ODAD3: variants seen among roughly 807,000 people sequenced by gnomAD.
ODAD3 encodes outer dynein arm docking complex subunit 3.
ODAD3 carries 57 observed loss-of-function variants against 70.9 expected under a neutral mutation model. That is an observed-to-expected ratio of 0.80 (90% CI 0.65 to 1.00). The LOEUF is 1.00. Among genes scored for constraint, ODAD3 ranks in the 50% least tolerant of loss-of-function variants. The pLI, the probability that ODAD3 is intolerant of heterozygous loss-of-function variation, is 0.00. For missense variants in ODAD3, 797 were observed against 763.9 expected (o/e 1.04, Z -0.51); for synonymous variants, 327 against 315.9 (o/e 1.04, Z -0.37).
In ODAD3 at chr19:11,421,749, C is replaced by T. The variant is rs1481555185; in HGVS notation, c.1518G>A (p.Lys506=). 1 of 1,613,442 alleles carries T rather than the reference C, an allele frequency of 6.2e-7. No individual in the cohort carries two copies. The highest frequency in any genetic ancestry group is 1.7e-5 in the Admixed American group (1 of 60,026). Residue 506 remains lysine, a synonymous_variant, in exon 11 of 13, where the codon AAG becomes AAA. Transcript: ENST00000356392. ...GGAGCTGCGCCTGCAGTTTCAGCAG[C>T]TTTTCCTCCACGAGGCCCAGCAGGT... ...VPNLLGLVEE[K]LLKLQAQLQG...
chr19:11,429,168 C>T (rs527333690), intron 3 of ODAD3, among the ~76,000 whole-genome samples: 48 of 152,050 alleles, frequency 3.2e-4, no homozygotes, highest in African/African-American at 1.1e-3. Flanking sequence ...CGTGAGCCAC[C>T]GCGCCCGGCC....
At chr19:11,432,704 T>C (rs1445386204) in intron 1 of ODAD3, among the ~76,000 whole-genome samples, 1 of 152,174 alleles carries the variant, frequency 6.6e-6, no homozygotes, top group East Asian at 1.9e-4. Context: ...TAGGTATCCA[T>C]GGCATACGCA....
chr19:11,428,181 C>T (rs1213822249), intron 3 of ODAD3, among the ~76,000 whole-genome samples: 1 of 152,146 alleles, frequency 6.6e-6, no homozygotes, highest in Non-Finnish European at 1.5e-5. Flanking sequence ...AGCCATCCTC[C>T]TTCCTCGGCC....
Position 11,423,911 on chromosome 19 carries a change from T to G in ODAD3, c.1082A>C (p.Lys361Thr). ...SMYQMEVIFG[K>T]VKDATGTDET... ...GTCAGTGCCAGTGGCGTCCTTGACC[T>G]TGCCAAAGATCACCTCCATCTGGTA... The change falls in exon 8 of 13, where the codon AAG (lysine) becomes ACG (threonine). Residue 361 changes from lysine to threonine, a missense_variant. Lys to Thr is a moderately conservative substitution (Grantham distance 78). Transcript: ENST00000356392. 6.2e-7 allele frequency: 1 copy of G among 1,613,064 alleles called. No homozygotes were observed.
intron 3 of ODAD3, among the ~76,000 whole-genome samples, chr19:11,428,834 G>A (rs1288440099): frequency 2.0e-5 from 3 of 151,838 alleles, no homozygotes; most frequent in Non-Finnish European, 4.4e-5. Context: ...CAAGGCATGA[G>A]CCACCATGCC....
chr19:11,427,163 C>T (rs1054613423), intron 3 of ODAD3, 123 bp from the exon 4 acceptor site: 2 of 1,079,818 alleles, frequency 1.9e-6, no homozygotes, highest in South Asian at 1.7e-5. Flanking sequence ...GTTTTCTACC[C>T]ACCTCCCTGG....
chr19:11,422,739 C>T lies in ODAD3; in HGVS notation c.1239G>A (p.Leu413=), dbSNP rs940789605. ...CCTCCCCCGAGTACTTGAGGTCTTC[C>T]AGCTCCCGCTGCAGTTGTTGCTTCT... The part of the protein sequence containing the change: ...KQEKQQLQRE[L]EDLKYSGEAT... Residue 413 remains leucine, a synonymous_variant, in exon 9 of 13, where the codon CTG becomes CTA. Transcript: ENST00000356392. This position sits in a 1 kb window ranked among gnomAD's most constrained non-coding sequence, Gnocchi z 4.6. 1.9e-6 allele frequency: 3 copies of T among 1,612,616 alleles called. No individual in the cohort carries two copies. The highest frequency in any genetic ancestry group is 2.7e-5 in the African/African-American group (2 of 74,946).
rs1969148857 is a variant in ODAD3, at chr19:11,422,056, G to C, written c.1435-224C>G. Among the ~76,000 whole-genome samples the C allele has an allele frequency of 6.6e-6, 1 of 152,178 alleles. No individual in the cohort carries two copies. The highest frequency in any genetic ancestry group is 1.5e-5 in the Non-Finnish European group (1 of 68,024). On this transcript the variant is annotated intron_variant, in intron 10 of 12. Transcript: ENST00000356392. This position sits in a 1 kb window ranked among gnomAD's most constrained non-coding sequence, Gnocchi z 4.6. ...TGTAAAGGTTTCGGGGAGGCCTCTT[G>C]GGAACAGTAAGGATTCGAGGGAGGC...
At chr19:11,432,912 G>A (rs1248823200) in intron 1 of ODAD3, among the ~76,000 whole-genome samples, 1 of 151,992 alleles carries the variant, frequency 6.6e-6, no homozygotes, top group Non-Finnish European at 1.5e-5. Context: ...TCCTGCCTCA[G>A]CCTTCCAAGT....
chr19:11,421,497 T>A (rs1969133793), intron 11 of ODAD3, among the ~76,000 whole-genome samples, 180 bp downstream of exon 11: 1 of 152,060 alleles, frequency 6.6e-6, no homozygotes, highest in Non-Finnish European at 1.5e-5. Flanking sequence ...CCTCTTCTGG[T>A]TTCTTCCCTC....
At position 11,423,898 on chromosome 19, in the gene ODAD3, G is replaced by A. The variant is rs755791131; in HGVS notation, c.1095C>T (p.Ala365=). 7 of 1,612,590 alleles carry A rather than the reference G, an allele frequency of 4.3e-6. No individual in the cohort carries two copies. Among genetic ancestry groups the A allele is most frequent in the Middle Eastern group, 1.7e-4 (1 of 6,056 alleles). Residue 365 remains alanine, a synonymous_variant, in exon 8 of 13, where the codon GCC becomes GCT. Coordinates refer to ENST00000356392, the MANE Select transcript of ODAD3 (RefSeq NM_145045.5). The part of the protein sequence containing the change: ...MEVIFGKVKD[A]TGTDETHSLV... ...TCACGTGCGTCTCGTCAGTGCCAGT[G>A]GCGTCCTTGACCTTGCCAAAGATCA...
intron 7 of ODAD3, among the ~76,000 whole-genome samples, chr19:11,424,602 T>C (rs1969227303): frequency 1.5e-4 from 20 of 134,444 alleles, no homozygotes; most frequent in South Asian, 2.2e-4. Context: ...TATAAATATA[T>C]ATGTGTATAT....
chr19:11,427,876 G>A (rs1297275172), intron 3 of ODAD3, among the ~76,000 whole-genome samples: 1 of 151,812 alleles, frequency 6.6e-6, no homozygotes, highest in Non-Finnish European at 1.5e-5. Flanking sequence ...CAAGGCGGGT[G>A]GATCACGAGG....
intron 1 of ODAD3, among the ~76,000 whole-genome samples, chr19:11,434,148 G>A (rs142572877): frequency 6.6e-6 from 1 of 151,704 alleles, no homozygotes; most frequent in East Asian, 1.9e-4. Flanking sequence ...TGGAGGCAGA[G>A]GTTGCAGTGA....
chr19:11,434,254 G>C (rs915994666), intron 1 of ODAD3, among the ~76,000 whole-genome samples: 2 of 149,900 alleles, frequency 1.3e-5, no homozygotes, highest in African/African-American at 4.9e-5. Context: ...GGGTGCAGTG[G>C]CTCACGCCTG....
In ODAD3 at chr19:11,421,169, C is replaced by T; in HGVS notation, c.1634G>A (p.Arg545His). The T allele has an allele frequency of 6.2e-7, 1 of 1,613,672 alleles. No homozygotes were observed. Among genetic ancestry groups the T allele is most frequent in the Non-Finnish European group, 8.5e-7 (1 of 1,179,912 alleles). ...GGAAGTGGCAAGGGGCAGGGCGATG[C>T]GGGTGTTGTATTCGGGCAGCCTTCC... ...LEGRLPEYNTRIALPLATSKD... is the reference protein window; with the variant it reads ...LEGRLPEYNTHIALPLATSKD... Residue 545 changes from arginine to histidine, a missense_variant, in exon 12 of 13, where the codon CGC becomes CAC. Physicochemically the swap from Arg to His is conservative, Grantham distance 29. Coordinates refer to ENST00000356392, the MANE Select transcript of ODAD3 (RefSeq NM_145045.5).
At chr19:11,427,216 TTC>T (rs970586650) in intron 3 of ODAD3, among the ~76,000 whole-genome samples, 176 bp from the exon 4 acceptor site, 1 of 152,130 alleles carries the variant, frequency 6.6e-6, no homozygotes, top group East Asian at 1.9e-4. Flanking sequence ...CACCGGAGTC[TTC>T]TCTCTGTCTA....
chr19:11,426,289 G>C, intron 6 of ODAD3, 23 bp from the exon 7 acceptor site: 1 of 1,613,288 alleles, frequency 6.2e-7, no homozygotes, highest in Non-Finnish European at 8.5e-7. Flanking sequence ...CAGGGTAGCA[G>C]GGAGACCAGC....
chr19:11,422,407 C>G lies in ODAD3; in HGVS notation c.1434+64G>C. 6.8e-7 allele frequency: 1 copy of G among 1,463,924 alleles called. No individual in the cohort carries two copies. The highest frequency in any genetic ancestry group is 9.1e-7 in the Non-Finnish European group (1 of 1,103,700). 90.7% of individuals were successfully genotyped at this position (1,463,924 alleles called of 1,614,324 possible). ...GCAAGCTGGTGTGGCAGGAACCCCGCTTCGTGGCTGCGCCTCTGCGGTCCC... is the reference window on the plus strand; with the variant it reads ...GCAAGCTGGTGTGGCAGGAACCCCGGTTCGTGGCTGCGCCTCTGCGGTCCC... On this transcript the variant is annotated intron_variant, in intron 10 of 12. Coordinates refer to ENST00000356392, the MANE Select transcript of ODAD3 (RefSeq NM_145045.5). This position sits in a 1 kb window ranked among gnomAD's most constrained non-coding sequence, Gnocchi z 4.6.
Sources: allele counts gnomAD v4.1 joint callset (sites outside exome capture counted in the v4.1 genomes callset), GRCh38; gene constraint gnomAD v4.1.1; non-coding constraint Gnocchi (gnomAD v3.1); transcripts MANE v1.5; gene names NCBI Gene and HGNC (gene_info 2026-07-23, HGNC 2026-07-21).